SLC25A21: variants seen among roughly 807,000 people sequenced by gnomAD.
SLC25A21 encodes the protein solute carrier family 25 member 21.
SLC25A21 carries 47 observed loss-of-function variants against 43.8 expected under a neutral mutation model. That is an observed-to-expected ratio of 1.07 (90% CI 0.85 to 1.37). The LOEUF (loss-of-function observed/expected upper bound fraction) is 1.37. Ranked by LOEUF, SLC25A21 falls within the 40% of genes most tolerant of loss-of-function variation. The probability of loss-of-function intolerance (pLI) is 0.00; values close to 1 mark genes in which losing one functional copy is unlikely to be tolerated. For missense variants in SLC25A21, 352 were observed against 350.2 expected, an observed-to-expected ratio of 1.00 and a Z score of -0.04; for synonymous variants, 131 against 121.3, an observed-to-expected ratio of 1.08 and a Z score of -0.52.
intron 3 of SLC25A21, among the ~76,000 whole-genome samples, chr14:36,765,600 A>C (rs1886383248): frequency 6.6e-6 from 1 of 152,188 alleles, no homozygotes; most frequent in Admixed American, 6.5e-5. Flanking sequence ...TGGCCTGGGA[A>C]AACTCAGATT....
intron 2 of SLC25A21, among the ~76,000 whole-genome samples, chr14:36,868,727 C>T (rs1173766059): frequency 6.6e-6 from 1 of 152,228 alleles, no homozygotes; most frequent in Non-Finnish European, 1.5e-5. Flanking sequence ...TGCTTATCTT[C>T]AAATCAATTT....
At chr14:37,023,423 A>T (rs1264872559) in intron 1 of SLC25A21, among the ~76,000 whole-genome samples, 3 of 104,240 alleles carry the variant, frequency 2.9e-5, no homozygotes, top group Non-Finnish European at 7.2e-5. Context: ...AGAGGAACTT[A>T]AAAAAAAAAT....
At chr14:36,908,045 CAA>C (rs1371141427) in intron 1 of SLC25A21, among the ~76,000 whole-genome samples, 13 of 152,092 alleles carry the variant, frequency 8.5e-5, no homozygotes, top group East Asian at 5.8e-4. Context: ...GGAGAACAGA[CAA>C]AGAGTGAATT....
chr14:36,916,126 CT>C (rs1891825705), intron 1 of SLC25A21, among the ~76,000 whole-genome samples: 1 of 152,164 alleles, frequency 6.6e-6, no homozygotes. Context: ...ACAGCAACAA[CT>C]GATTAAAGCA....
chr14:37,095,543 A>C (rs999817013), intron 1 of SLC25A21, among the ~76,000 whole-genome samples: 2 of 152,030 alleles, frequency 1.3e-5, no homozygotes, highest in African/African-American at 2.4e-5. Context: ...AAATAAATAA[A>C]TAACTACACT....
intron 1 of SLC25A21, among the ~76,000 whole-genome samples, chr14:36,986,966 C>T (rs1456693858): frequency 1.3e-5 from 2 of 151,926 alleles, no homozygotes; most frequent in Non-Finnish European, 2.9e-5. Context: ...CCCTAAATTA[C>T]AAAACTATTA....
intron 1 of SLC25A21, among the ~76,000 whole-genome samples, chr14:37,147,198 AT>A (rs1366584619): frequency 1.3e-5 from 2 of 152,244 alleles, no homozygotes; most frequent in Non-Finnish European, 2.9e-5. Context: ...ATTATAAAAA[AT>A]AAAGAAATGC....
chr14:37,076,704 G>A (rs531813053), intron 1 of SLC25A21, among the ~76,000 whole-genome samples: 7 of 151,958 alleles, frequency 4.6e-5, no homozygotes, highest in African/African-American at 1.2e-4. Flanking sequence ...GCCAGGCCTC[G>A]AACTCCTGAC....
At position 36,716,937 on chromosome 14, in the gene SLC25A21, G is replaced by A. The variant is rs758896707; in HGVS notation, c.439-5455C>T. Reference sequence around the variant, plus strand: ...CATGCATTCCTATGGAAAGGTGAACGGGTTGCATTTGAAAGCCAATGGAAT... The same window carrying A: ...CATGCATTCCTATGGAAAGGTGAACAGGTTGCATTTGAAAGCCAATGGAAT... On this transcript the variant is annotated intron_variant, in intron 6 of 9. Coordinates refer to ENST00000331299, the MANE Select transcript of SLC25A21 (RefSeq NM_030631.4). Among the ~76,000 whole-genome samples, 91 of 152,280 alleles carry A rather than the reference G, an allele frequency of 6.0e-4. 1 individual carries two copies. In the Middle Eastern group the frequency reaches 0.014, roughly 23 times the overall value.
intron 1 of SLC25A21, among the ~76,000 whole-genome samples, chr14:36,906,190 G>A (rs1222439270): frequency 6.6e-6 from 1 of 152,056 alleles, no homozygotes; most frequent in Admixed American, 6.6e-5. Context: ...CATTATAATT[G>A]TTCCTATTTT....
chr14:37,004,433 A>G (rs1260155865), intron 1 of SLC25A21, among the ~76,000 whole-genome samples: 1 of 152,236 alleles, frequency 6.6e-6, no homozygotes, highest in East Asian at 1.9e-4. Flanking sequence ...CATGCATTTC[A>G]TGTTAATGCT....
At chr14:37,009,031 G>A (rs1960671080) in intron 1 of SLC25A21, among the ~76,000 whole-genome samples, 1 of 152,116 alleles carries the variant, frequency 6.6e-6, no homozygotes, top group Non-Finnish European at 1.5e-5. Context: ...GTAAAGACGA[G>A]AGCACATTAG....
chr14:37,131,776 C>T (rs978044604), intron 1 of SLC25A21, among the ~76,000 whole-genome samples: 3 of 152,118 alleles, frequency 2.0e-5, no homozygotes, highest in Non-Finnish European at 2.9e-5. Flanking sequence ...TGGGCTCAAG[C>T]AATCCTCCTG....
chr14:36,731,033 C>T (rs7153581), intron 4 of SLC25A21, among the ~76,000 whole-genome samples: 66,460 of 148,738 alleles, frequency 0.45, 14,999 homozygotes, highest in Admixed American at 0.54. Flanking sequence ...AGTGCAGTGG[C>T]GCGATCTCGG....
chr14:36,909,120 G>A (rs1474499928), intron 1 of SLC25A21, among the ~76,000 whole-genome samples: 1 of 152,074 alleles, frequency 6.6e-6, no homozygotes, highest in Non-Finnish European at 1.5e-5. Flanking sequence ...AGAAGGAATA[G>A]ATAACATGAG....
chr14:37,057,833 T>C (rs914782267), intron 1 of SLC25A21, among the ~76,000 whole-genome samples: 1 of 152,224 alleles, frequency 6.6e-6, no homozygotes, highest in African/African-American at 2.4e-5. Context: ...ATATGCATAT[T>C]AAGATCTAGA....
intron 1 of SLC25A21, among the ~76,000 whole-genome samples, chr14:37,004,926 A>T (rs1009737585): frequency 1.3e-4 from 19 of 143,202 alleles, no homozygotes; most frequent in East Asian, 6.2e-4. Flanking sequence ...CAGGGAAGGA[A>T]TTTTTTTTTT....
chr14:36,795,703 C>T (rs887055547), intron 3 of SLC25A21, among the ~76,000 whole-genome samples: 25 of 152,074 alleles, frequency 1.6e-4, no homozygotes, highest in East Asian at 5.8e-4. Context: ...TACTCACATG[C>T]CTTAAATAAG....
chr14:37,043,036 C>T (rs1418832673), intron 1 of SLC25A21, among the ~76,000 whole-genome samples: 1 of 152,180 alleles, frequency 6.6e-6, no homozygotes, highest in South Asian at 2.1e-4. Context: ...ACTGCTGAAC[C>T]AGCCACCAGT....
Sources: allele counts gnomAD v4.1 joint callset (sites outside exome capture counted in the v4.1 genomes callset), GRCh38; gene constraint gnomAD v4.1.1; transcripts MANE v1.5; gene names NCBI Gene and HGNC (gene_info 2026-07-23, HGNC 2026-07-21).